The following MARCHF5 variants were observed in gnomAD, a reference collection of about 807,000 sequenced individuals.
The protein encoded by MARCHF5 is membrane associated ring-CH-type finger 5, also known as E3 ubiquitin-protein ligase MARCHF5.
MARCHF5 carries 5 observed loss-of-function variants against 36.5 expected under a neutral mutation model. The observed-to-expected ratio is 0.14, with a 90% confidence interval of 0.07 to 0.29. MARCHF5 has a LOEUF of 0.29. MARCHF5 is among the 10% of genes least tolerant of loss of function. MARCHF5 has a pLI of 1.00. For synonymous variants in MARCHF5, 103 were observed against 109.9 expected (o/e 0.94, Z 0.39); for missense variants, 179 against 336.3 (o/e 0.53, Z 3.66).
At chr10:92,298,227 A>G (rs920837363) in intron 1 of MARCHF5, among the ~76,000 whole-genome samples, 31 of 152,218 alleles carry the variant, frequency 2.0e-4, no homozygotes, top group African/African-American at 7.5e-4. Flanking sequence ...TAGTAAATAT[A>G]ATGACATTTT....
intron 2 of MARCHF5, among the ~76,000 whole-genome samples, chr10:92,330,266 T>C (rs533908084): frequency 7.9e-5 from 12 of 152,294 alleles, no homozygotes; most frequent in Middle Eastern, 3.4e-3. Flanking sequence ...TCCCTAAGTC[T>C]TAAAAGTAGA....
At chr10:92,342,331 A>G (rs929477875) in intron 3 of MARCHF5, among the ~76,000 whole-genome samples, 5 of 151,300 alleles carry the variant, frequency 3.3e-5, no homozygotes, top group African/African-American at 1.2e-4. Context: ...TATTTTTTGT[A>G]GAGATGGGGT....
chr10:92,314,032 AAAAAAG>A (rs768107871), intron 2 of MARCHF5, among the ~76,000 whole-genome samples: 41 of 152,196 alleles, frequency 2.7e-4, no homozygotes, highest in African/African-American at 2.9e-4. Context: ...GTCTCTCTAC[AAAAAAG>A]AAAAAGAAAA....
At chr10:92,325,511 A>G (rs1423603019) in intron 2 of MARCHF5, among the ~76,000 whole-genome samples, 4 of 152,156 alleles carry the variant, frequency 2.6e-5, no homozygotes, top group Non-Finnish European at 5.9e-5. Flanking sequence ...CGTCGTCCTG[A>G]TGGATTGTCC....
intron 2 of MARCHF5, among the ~76,000 whole-genome samples, chr10:92,323,618 T>A (rs1483279811): frequency 1.3e-5 from 2 of 152,152 alleles, no homozygotes; most frequent in Admixed American, 1.3e-4. Context: ...TTTTTCTCCA[T>A]GGTTTTCCCT....
At chr10:92,297,951 A>C (rs1022181909) in intron 1 of MARCHF5, among the ~76,000 whole-genome samples, 7 of 152,162 alleles carry the variant, frequency 4.6e-5, no homozygotes, top group Non-Finnish European at 1.0e-4. Flanking sequence ...TAATCCCAGC[A>C]CTTTGGAAGA....
At chr10:92,324,475 C>G (rs1440110752) in intron 2 of MARCHF5, among the ~76,000 whole-genome samples, 1 of 152,264 alleles carries the variant, frequency 6.6e-6, no homozygotes, top group African/African-American at 2.4e-5. Flanking sequence ...CATTCTCCTG[C>G]CTCAGCCCCC....
chr10:92,317,227 T>A (rs1843222087), intron 2 of MARCHF5, among the ~76,000 whole-genome samples: 1 of 152,014 alleles, frequency 6.6e-6, no homozygotes, highest in East Asian at 1.9e-4. Context: ...TGCCTCGGCC[T>A]CCCTGGGATT....
intron 3 of MARCHF5, 109 bp downstream of exon 3, chr10:92,340,912 A>T: frequency 1.0e-6 from 1 of 1,000,606 alleles, no homozygotes; most frequent in Non-Finnish European, 1.4e-6. Flanking sequence ...TAACATTCTC[A>T]TGTTCTTTCT....
Position 92,351,238 on chromosome 10 carries a change from C to A in MARCHF5, c.*31C>A. ...ACTTCTGGTTGTTCTGCAGTTCTCT[C>A]ATCCTTATGAATCTGTTGTGTTGTT... On this transcript the variant is annotated 3_prime_UTR_variant, in exon 6 of 6. Coordinates refer to ENST00000358935, the MANE Select transcript of MARCHF5 (RefSeq NM_017824.5). 2 of 1,303,548 alleles carry A rather than the reference C, an allele frequency of 1.5e-6. No individual in the cohort carries two copies. The highest frequency in any genetic ancestry group is 2.4e-5 in the South Asian group (2 of 82,464). 80.7% of individuals were successfully genotyped at this position (1,303,548 alleles called of 1,614,324 possible).
At chr10:92,321,026 C>T (rs148526479) in intron 2 of MARCHF5, among the ~76,000 whole-genome samples, 8 of 152,112 alleles carry the variant, frequency 5.3e-5, no homozygotes, top group Non-Finnish European at 8.8e-5. Context: ...TGTTTAGGAA[C>T]GCAAATACCA....
At chr10:92,318,519 G>A (rs983420103) in intron 2 of MARCHF5, among the ~76,000 whole-genome samples, 12 of 151,338 alleles carry the variant, frequency 7.9e-5, no homozygotes, top group African/African-American at 2.7e-4. Flanking sequence ...CCAGGAGTTC[G>A]AGACCAGCCT....
rs556619775 is a variant in MARCHF5 at position 92,291,713 on chromosome 10, G to C, written c.35+184G>C. 8.3e-6 allele frequency: 4 copies of C among 480,478 alleles called. No individual in the cohort carries two copies. The South Asian group carries it at 3.5e-4, about 42-fold the overall frequency. 29.8% of individuals were successfully genotyped at this position (480,478 alleles called of 1,614,324 possible). Reference sequence around the variant, plus strand: ...GGGGGAGGACAGAGCGAGCGGCCTGGGTCGTAGACTTTGGGTGAAACTTAG... The same window carrying C: ...GGGGGAGGACAGAGCGAGCGGCCTGCGTCGTAGACTTTGGGTGAAACTTAG... On this transcript the variant is annotated intron_variant, in intron 1 of 5. Coordinates refer to ENST00000358935, the MANE Select transcript of MARCHF5 (RefSeq NM_017824.5).
intron 2 of MARCHF5, among the ~76,000 whole-genome samples, chr10:92,325,869 A>G (rs528776451): frequency 6.6e-6 from 1 of 152,204 alleles, no homozygotes; most frequent in African/African-American, 2.4e-5. Context: ...AATAGAGATG[A>G]GGTTTCACCA....
intron 1 of MARCHF5, among the ~76,000 whole-genome samples, chr10:92,292,037 C>G (rs1206652331): frequency 7.0e-6 from 1 of 143,834 alleles, no homozygotes; most frequent in Non-Finnish European, 1.5e-5. Flanking sequence ...CCCGCCCCAT[C>G]CCGTCCCCAC....
intron 3 of MARCHF5, among the ~76,000 whole-genome samples, chr10:92,348,581 A>G (rs894265406): frequency 6.6e-6 from 1 of 151,832 alleles, no homozygotes; most frequent in Non-Finnish European, 1.5e-5. Context: ...AAGTTCACAA[A>G]TGCCAATTTT....
intron 3 of MARCHF5, among the ~76,000 whole-genome samples, chr10:92,348,426 T>C (rs1843681923): frequency 6.6e-6 from 1 of 151,708 alleles, no homozygotes; most frequent in Non-Finnish European, 1.5e-5. Context: ...GAGCCGGAGG[T>C]TGCAGTGAGC....
intron 1 of MARCHF5, among the ~76,000 whole-genome samples, chr10:92,295,495 C>G (rs1253593415): frequency 6.7e-6 from 1 of 149,420 alleles, no homozygotes; most frequent in African/African-American, 2.5e-5. Context: ...GCAAACTGTG[C>G]CTCTTGGGTT....
intron 3 of MARCHF5, among the ~76,000 whole-genome samples, chr10:92,341,750 G>GT (rs1457381498): frequency 1.2e-5 from 1 of 80,582 alleles, no homozygotes; most frequent in Non-Finnish European, 2.7e-5. Context: ...CTTTGTTTCT[G>GT]TTTCTATTTT....
Sources: allele counts gnomAD v4.1 joint callset (sites outside exome capture counted in the v4.1 genomes callset), GRCh38; gene constraint gnomAD v4.1.1; transcripts MANE v1.5; gene names NCBI Gene and HGNC (gene_info 2026-07-23, HGNC 2026-07-21).